RBFOX1: variants seen among roughly 807,000 people sequenced by gnomAD.
RBFOX1 encodes RNA binding fox-1 homolog 1, also known as RNA binding protein fox-1 homolog 1.
Under a neutral mutation model 57.7 loss-of-function variants are expected in RBFOX1, and 8 were observed. That is an observed-to-expected ratio of 0.14 (90% CI 0.08 to 0.25). RBFOX1 has a LOEUF of 0.25. Among genes scored for constraint, RBFOX1 ranks in the 10% least tolerant of loss-of-function variants. The pLI is 1.00. For missense variants in RBFOX1, 611 were observed against 548.5 expected, an observed-to-expected ratio of 1.11 and a Z score of -1.14; for synonymous variants, 326 against 222.4, an observed-to-expected ratio of 1.47 and a Z score of -4.15.
At chr16:6,733,062 C>A (rs1370588485) in intron 3 of RBFOX1, among the ~76,000 whole-genome samples, 1 of 152,154 alleles carries the variant, frequency 6.6e-6, no homozygotes, top group Non-Finnish European at 1.5e-5. Flanking sequence ...ACGTCAACAT[C>A]TAGGGCTCCC....
At chr16:7,181,972 A>T (rs2082804156) in intron 4 of RBFOX1, among the ~76,000 whole-genome samples, 1 of 152,196 alleles carries the variant, frequency 6.6e-6, no homozygotes, top group African/African-American at 2.4e-5. Context: ...ATTTCTTTGT[A>T]ACAGAGATAG....
intron 3 of RBFOX1, among the ~76,000 whole-genome samples, chr16:5,752,667 G>C (rs958509872): frequency 1.3e-5 from 2 of 152,112 alleles, no homozygotes; most frequent in African/African-American, 2.4e-5. Flanking sequence ...GTAACTCTTT[G>C]AATGACCCAT....
At chr16:6,702,301 C>G (rs1568278802) in intron 3 of RBFOX1, among the ~76,000 whole-genome samples, 1 of 152,120 alleles carries the variant, frequency 6.6e-6, no homozygotes, top group South Asian at 2.1e-4. Flanking sequence ...TGCCTGTAAA[C>G]CCAGTACTTT....
intron 4 of RBFOX1, among the ~76,000 whole-genome samples, chr16:7,513,343 T>C (rs1239029616): frequency 6.6e-6 from 1 of 152,142 alleles, no homozygotes; most frequent in African/African-American, 2.4e-5. Flanking sequence ...TCTTGCTAGA[T>C]GAGAAATGCC....
intron 4 of RBFOX1, among the ~76,000 whole-genome samples, chr16:7,298,597 T>G (rs1035113251): frequency 6.6e-6 from 1 of 152,122 alleles, no homozygotes; most frequent in Admixed American, 6.5e-5. Context: ...CAGCCCAAAA[T>G]TTGTGTATAA....
At chr16:5,604,795 C>A (rs114247089), downstream of RBFOX1, among the ~76,000 whole-genome samples, 886 of 152,224 alleles carry the variant, frequency 5.8e-3, 10 homozygotes, top group African/African-American at 0.02. Context: ...CTCATGGGCC[C>A]CCCGGGAACC....
At chr16:5,959,190 G>C (rs545281394) in intron 4 of RBFOX1, among the ~76,000 whole-genome samples, 1 of 152,330 alleles carries the variant, frequency 6.6e-6, no homozygotes, top group South Asian at 2.1e-4. Context: ...CTAAGCATCA[G>C]ACAGTGGCTT....
chr16:7,102,780 A>G (rs1010982501), intron 4 of RBFOX1, among the ~76,000 whole-genome samples: 4 of 152,194 alleles, frequency 2.6e-5, no homozygotes, highest in African/African-American at 9.7e-5. Flanking sequence ...ATCACTTGTC[A>G]TTTTACAAAG....
chr16:5,582,572 TAAACGGAG>T (rs1567257373), intron 2 of RBFOX1, among the ~76,000 whole-genome samples: 2 of 106,054 alleles, frequency 1.9e-5, no homozygotes, highest in Admixed American at 2.1e-4. Context: ...TTTTTTTTTT[TAAACGGAG>T]TCTTTGTTGC....
chr16:5,883,478 G>A lies in RBFOX1; in HGVS notation c.351+16143G>A, dbSNP rs748098668. Among the ~76,000 whole-genome samples, 18 of 151,806 alleles carry A rather than the reference G, an allele frequency of 1.2e-4. 3 individuals carry two copies. Among genetic ancestry groups the A allele is most frequent in the Admixed American group, 1.2e-3 (18 of 15,230 alleles). On this transcript the variant is annotated intron_variant, in intron 4 of 19. Coordinates refer to the RBFOX1 transcript ENST00000641259. The stretch of plus-strand genomic sequence containing the variant: ...GCATTGCATCTTACCATATTGGTAA[G>A]TAAACTGTCTCGGAGGAACCTGCAA...
In RBFOX1 at chr16:6,303,898, C is replaced by G. The variant is rs1028957182; in HGVS notation, c.-126-13097C>G. Among the ~76,000 whole-genome samples, 4 of 150,162 alleles carry G rather than the reference C, an allele frequency of 2.7e-5. No homozygotes were observed. The South Asian group carries it at 6.4e-4, about 24-fold the overall frequency. On this transcript the variant is annotated intron_variant, in intron 1 of 15. Transcript: ENST00000550418. Reference sequence around the variant, plus strand: ...GCTATCTCAGCTCACTGCAACCTCCCCCTCCTGGGTTCAAGTGATTCTCTT... The same window carrying G: ...GCTATCTCAGCTCACTGCAACCTCCGCCTCCTGGGTTCAAGTGATTCTCTT...
At chr16:5,746,055 G>T (rs371341147) in intron 3 of RBFOX1, among the ~76,000 whole-genome samples, 1 of 152,098 alleles carries the variant, frequency 6.6e-6, no homozygotes, top group African/African-American at 2.4e-5. Flanking sequence ...TTTCTTGTAG[G>T]GTTTCTATAG....
chr16:5,939,476 T>A (rs2059237878), intron 4 of RBFOX1, among the ~76,000 whole-genome samples: 1 of 152,196 alleles, frequency 6.6e-6, no homozygotes, highest in South Asian at 2.1e-4. Context: ...AAATTCCTGT[T>A]TCTTGTCATG....
chr16:7,314,082 A>G (rs1239547557), intron 4 of RBFOX1, among the ~76,000 whole-genome samples: 2 of 152,132 alleles, frequency 1.3e-5, no homozygotes, highest in Non-Finnish European at 2.9e-5. Context: ...ATGAATTGCA[A>G]CAAACCATGA....
intron 1 of RBFOX1, among the ~76,000 whole-genome samples, chr16:5,417,366 T>G (rs1225610280): frequency 6.6e-6 from 1 of 152,184 alleles, no homozygotes; most frequent in Non-Finnish European, 1.5e-5. Context: ...ATTCAGTAAG[T>G]CTGGCAAAAC....
In RBFOX1 at chr16:5,346,643, C is replaced by T. The variant is rs9940777; in HGVS notation, c.219+106538C>T. Among the ~76,000 whole-genome samples the T allele has an allele frequency of 4.1e-3, 620 of 152,268 alleles. 4 individuals carry two copies. Among genetic ancestry groups the T allele is most frequent in the African/African-American group, 0.014 (579 of 41,548 alleles). ...TATCCCCTCCTGGGAATTTTCAGTG[C>T]AATACAGGAGAGTGGAGTGTGCTGT... is the stretch of plus-strand genomic sequence containing the variant. On this transcript the variant is annotated intron_variant, in intron 1 of 2. Coordinates refer to the RBFOX1 transcript ENST00000585867.
chr16:5,939,880 G>C (rs1294642719), intron 4 of RBFOX1, among the ~76,000 whole-genome samples: 1 of 152,164 alleles, frequency 6.6e-6, no homozygotes, highest in Admixed American at 6.5e-5. Flanking sequence ...AGTGTGGTGG[G>C]ATGAAAGTGA....
intron 3 of RBFOX1, among the ~76,000 whole-genome samples, chr16:6,687,733 A>C (rs2059642265): frequency 1.3e-5 from 2 of 152,106 alleles, no homozygotes; most frequent in Admixed American, 6.5e-5. Flanking sequence ...CAGAGGATGG[A>C]AGGCTCACAG....
At chr16:6,574,056 T>C (rs2097385599) in intron 2 of RBFOX1, among the ~76,000 whole-genome samples, 1 of 152,204 alleles carries the variant, frequency 6.6e-6, no homozygotes, top group East Asian at 1.9e-4. Context: ...CTGCCAACCC[T>C]GTTCCCCTTT....
Sources: gnomAD v4.1 joint callset for allele counts (sites outside exome capture counted in the v4.1 genomes callset) on GRCh38, gnomAD v4.1.1 for gene constraint, MANE v1.5 for transcripts, NCBI Gene and HGNC (gene_info 2026-07-23, HGNC 2026-07-21) for gene names.